FLACC1: variants seen among roughly 807,000 people sequenced by gnomAD.
FLACC1 encodes the protein flagellum-associated coiled-coil domain-containing protein 1.
FLACC1 carries 66 observed loss-of-function variants against 62.8 expected under a neutral mutation model. The ratio of observed to expected loss-of-function variants is 1.05; its 90% CI spans 0.86 to 1.29. The LOEUF is 1.29. Among genes scored for constraint, FLACC1 ranks in the 50% most tolerant of loss-of-function variants. FLACC1 has a pLI of 0.00. For missense variants in FLACC1, 452 were observed against 489.1 expected, an observed-to-expected ratio of 0.92 and a Z score of 0.71; for synonymous variants, 156 against 161.0, an observed-to-expected ratio of 0.97 and a Z score of 0.24.
At chr2:201,299,173 A>T in intron 12 of FLACC1, 65 bp downstream of exon 12, 1 of 1,420,934 alleles carries the variant, frequency 7.0e-7, no homozygotes, top group Non-Finnish European at 9.8e-7. Context: ...TTATACTGAC[A>T]GCTTGTTATT....
At chr2:201,297,577 T>A (rs901192430) in intron 12 of FLACC1, among the ~76,000 whole-genome samples, 1 of 152,208 alleles carries the variant, frequency 6.6e-6, no homozygotes, top group African/African-American at 2.4e-5. Flanking sequence ...ATACTGCTCA[T>A]GTCCAGTGAG....
chr2:201,331,290 A>G (rs1025359262), intron 7 of FLACC1, among the ~76,000 whole-genome samples: 3 of 152,086 alleles, frequency 2.0e-5, no homozygotes, highest in African/African-American at 4.8e-5. Flanking sequence ...TCACTTCCTG[A>G]AGCATTATCC....
upstream of FLACC1, among the ~76,000 whole-genome samples, chr2:201,358,815 C>T (rs1474054263): frequency 1.3e-5 from 2 of 152,174 alleles, no homozygotes; most frequent in Non-Finnish European, 2.9e-5. Context: ...CCTGCTTCGG[C>T]CTCCCAAAGT....
intron 6 of FLACC1, 74 bp downstream of exon 6, chr2:201,344,096 C>G: frequency 7.3e-7 from 1 of 1,368,622 alleles, no homozygotes; most frequent in Admixed American, 1.9e-5. Context: ...GGCATTTTGC[C>G]TGGCACATAG....
intron 8 of FLACC1, 47 bp downstream of exon 8, chr2:201,330,689 T>A (rs1162063385): frequency 6.3e-7 from 1 of 1,592,098 alleles, no homozygotes; most frequent in Admixed American, 1.7e-5. Flanking sequence ...AGAAATGCCA[T>A]TGCCTGGACC....
intron 11 of FLACC1, 47 bp downstream of exon 11, chr2:201,307,472 C>T: frequency 6.9e-7 from 1 of 1,452,552 alleles, no homozygotes; most frequent in South Asian, 1.1e-5. Flanking sequence ...TTGGGTGTAC[C>T]ACCTGGACTA....
At chr2:201,350,818 T>C (rs759474312) in intron 2 of FLACC1, 36 bp from the exon 3 acceptor site, 15 of 1,580,226 alleles carry the variant, frequency 9.5e-6, no homozygotes, top group South Asian at 2.2e-5. Flanking sequence ...AACAAGAACA[T>C]TGGAAATTCG....
chr2:201,322,701 A>G (rs2125583138), intron 9 of FLACC1, among the ~76,000 whole-genome samples: 1 of 152,316 alleles, frequency 6.6e-6, no homozygotes, highest in Middle Eastern at 3.4e-3. Flanking sequence ...AACACCCTCA[A>G]AAGATAACAC....
Position 201,344,261 on chromosome 2 carries a change from G to T in FLACC1, c.371C>A (p.Thr124Asn). ...CTCTTCTAGGTCAGAAATGATGTTG[G>T]TCCTGTAGGAGAAGTAATTCTTCTA... ...EIPDKGRFSR[T>N]NIISDLEEQI... Residue 124 changes from threonine to asparagine, a missense_variant and splice_region_variant, in exon 6 of 15, where the codon ACC becomes AAC. Coordinates refer to ENST00000392257, the MANE Select transcript of FLACC1 (RefSeq NM_001127391.3). 6.2e-7 allele frequency: 1 copy of T among 1,608,882 alleles called. No individual in the cohort carries two copies. The highest frequency in any genetic ancestry group is 8.5e-7 in the Non-Finnish European group (1 of 1,175,458).
chr2:201,342,509 C>G, intron 6 of FLACC1, 78 bp from the exon 7 acceptor site: 1 of 1,452,574 alleles, frequency 6.9e-7, no homozygotes, highest in Non-Finnish European at 9.6e-7. Context: ...GAAAAGCCTT[C>G]CAATTTATGG....
rs1951135937 is a variant in FLACC1, at chr2:201,357,304, G to A, written c.-370C>T. ...CAATGAAATTAAACTAGAGGAGAAGGTCACCCCACCATTCAGATTCCTGTG... is the reference window on the plus strand; with the variant it reads ...CAATGAAATTAAACTAGAGGAGAAGATCACCCCACCATTCAGATTCCTGTG... On this transcript the variant is annotated 5_prime_UTR_variant, in exon 1 of 15. Coordinates refer to ENST00000392257, the MANE Select transcript of FLACC1 (RefSeq NM_001127391.3). 6.6e-6 allele frequency: 1 copy of A among 152,224 alleles called. No homozygotes were observed. The highest frequency in any genetic ancestry group is 1.5e-5 in the Non-Finnish European group (1 of 68,044). The allele number at this position is 152,224 out of a possible 1,614,324, so 9.4% of individuals were successfully genotyped here. A position where few individuals can be genotyped will look rare whatever the true frequency, so the allele number is the denominator to read the frequency against.
At chr2:201,354,026 T>C (rs1191590193) in intron 1 of FLACC1, among the ~76,000 whole-genome samples, 1 of 152,234 alleles carries the variant, frequency 6.6e-6, no homozygotes, top group Non-Finnish European at 1.5e-5. Context: ...TAGTTTTCAA[T>C]ATTACACTGG....
At chr2:201,299,098 T>C in intron 12 of FLACC1, 140 bp downstream of exon 12, 2 of 762,802 alleles carry the variant, frequency 2.6e-6, no homozygotes, top group Non-Finnish European at 4.2e-6. Flanking sequence ...ACTTATTGAA[T>C]CCAGTAAACT....
chr2:201,327,951 A>T (rs570690629), intron 9 of FLACC1, among the ~76,000 whole-genome samples: 2 of 152,338 alleles, frequency 1.3e-5, no homozygotes, highest in South Asian at 4.1e-4. Flanking sequence ...AATGTGGCAT[A>T]TATACACCAT....
At chr2:201,350,081 C>G (rs1576479344) in intron 3 of FLACC1, among the ~76,000 whole-genome samples, 1 of 152,140 alleles carries the variant, frequency 6.6e-6, no homozygotes, top group African/African-American at 2.4e-5. Flanking sequence ...CCATTTCTGC[C>G]TCATGGACAT....
intron 12 of FLACC1, among the ~76,000 whole-genome samples, chr2:201,296,756 G>A (rs1949874181): frequency 6.6e-6 from 1 of 152,252 alleles, no homozygotes; most frequent in East Asian, 1.9e-4. Flanking sequence ...CCATGGTGAG[G>A]AAATACAGGG....
upstream of FLACC1, among the ~76,000 whole-genome samples, chr2:201,359,447 TAG>T (rs1162992156): frequency 1.3e-5 from 2 of 152,146 alleles, no homozygotes; most frequent in Non-Finnish European, 2.9e-5. Flanking sequence ...AGATCACATA[TAG>T]AGAGAGTATT....
At chr2:201,351,160 G>T in intron 2 of FLACC1, 132 bp downstream of exon 2, 1 of 780,898 alleles carries the variant, frequency 1.3e-6, no homozygotes, top group Non-Finnish European at 2.1e-6. Flanking sequence ...AGGGAAGCTG[G>T]GGAAAGCGAG....
intron 9 of FLACC1, among the ~76,000 whole-genome samples, chr2:201,321,998 G>A (rs1950411950): frequency 2.0e-5 from 3 of 152,230 alleles, no homozygotes; most frequent in Non-Finnish European, 2.9e-5. Context: ...GCCGGGTGCA[G>A]TGGCTCATGC....
Sources: allele counts gnomAD v4.1 joint callset (sites outside exome capture counted in the v4.1 genomes callset), GRCh38; gene constraint gnomAD v4.1.1; transcripts MANE v1.5; gene names NCBI Gene and HGNC (gene_info 2026-07-23, HGNC 2026-07-21).